Variants in DSCAM observed in about 807,000 individuals in gnomAD.
DSCAM encodes DS cell adhesion molecule.
Under a neutral mutation model 217.7 loss-of-function variants are expected in DSCAM, and 47 were observed. The observed-to-expected ratio is 0.22, with a 90% CI of 0.17 to 0.28. The LOEUF (loss-of-function observed/expected upper bound fraction) is 0.28, where lower values mean the gene tolerates loss of function less well. Ranked by LOEUF, DSCAM falls within the 10% of genes least tolerant of loss-of-function variation. The pLI, the probability that DSCAM is intolerant of heterozygous loss-of-function variation, is 1.00. For synonymous variants in DSCAM, 1,056 were observed against 1,015.3 expected (o/e 1.04, Z -0.76); for missense variants, 2,080 against 2,618.3 (o/e 0.79, Z 4.49).
chr21:40,237,003 A>G (rs919638461), intron 11 of DSCAM, among the ~76,000 whole-genome samples: 4 of 152,212 alleles, frequency 2.6e-5, no homozygotes, highest in African/African-American at 4.8e-5. Flanking sequence ...TCCCAGCGCT[A>G]GCTCTTCAAC....
At chr21:40,712,057 G>A (rs1005065196) in intron 1 of DSCAM, among the ~76,000 whole-genome samples, 1 of 152,140 alleles carries the variant, frequency 6.6e-6, no homozygotes, top group African/African-American at 2.4e-5. Context: ...CCCCAATAGA[G>A]CATGAGCAAT....
intron 3 of DSCAM, among the ~76,000 whole-genome samples, chr21:40,505,740 T>C (rs1313225210): frequency 1.3e-5 from 2 of 152,168 alleles, no homozygotes; most frequent in Admixed American, 6.5e-5. Context: ...TTGGGGAAGC[T>C]CGGCTCATCA....
chr21:40,832,177 A>C (rs1367317947), intron 1 of DSCAM, among the ~76,000 whole-genome samples: 5 of 152,248 alleles, frequency 3.3e-5, no homozygotes, highest in African/African-American at 1.2e-4. Context: ...TTGTGTGACC[A>C]TGAGCACATT....
chr21:40,739,808 G>T (rs1392576609), intron 1 of DSCAM, among the ~76,000 whole-genome samples: 2 of 149,722 alleles, frequency 1.3e-5, no homozygotes, highest in Non-Finnish European at 1.5e-5. Flanking sequence ...CCCCAGAAAA[G>T]AAATTATCTC....
chr21:40,404,697 C>T (rs941215604), intron 3 of DSCAM, among the ~76,000 whole-genome samples: 1 of 152,214 alleles, frequency 6.6e-6, no homozygotes, highest in Non-Finnish European at 1.5e-5. Flanking sequence ...ACACCAGGCT[C>T]CAGGCCAGGG....
intron 3 of DSCAM, among the ~76,000 whole-genome samples, chr21:40,381,173 G>A (rs1405711613): frequency 6.6e-6 from 1 of 152,118 alleles, no homozygotes; most frequent in Non-Finnish European, 1.5e-5. Context: ...AGGTCTTGGT[G>A]AAGAGCCCTG....
At chr21:40,590,375 AG>A (rs2146241629) in intron 3 of DSCAM, among the ~76,000 whole-genome samples, 1 of 152,322 alleles carries the variant, frequency 6.6e-6, no homozygotes, top group South Asian at 2.1e-4. Context: ...GAGCCCCTGC[AG>A]GGGTTCTGCC....
At chr21:40,648,335 C>T (rs1002524575) in intron 3 of DSCAM, among the ~76,000 whole-genome samples, 3 of 151,820 alleles carry the variant, frequency 2.0e-5, no homozygotes, top group Admixed American at 6.6e-5. Flanking sequence ...ACCCAACTGT[C>T]CTGACACTTC....
chr21:40,303,345 T>C (rs1284368679), intron 9 of DSCAM, among the ~76,000 whole-genome samples: 2 of 152,034 alleles, frequency 1.3e-5, no homozygotes, highest in East Asian at 1.9e-4. Flanking sequence ...TTCAGACTTG[T>C]TGGTCTCTCT....
At chr21:40,732,558 C>G (rs535426145) in intron 1 of DSCAM, among the ~76,000 whole-genome samples, 23 of 152,186 alleles carry the variant, frequency 1.5e-4, no homozygotes, top group Non-Finnish European at 2.5e-4. Flanking sequence ...ACAAGGTCCT[C>G]TAATTAATCA....
chr21:40,236,980 T>C (rs2073088627), intron 11 of DSCAM, among the ~76,000 whole-genome samples: 1 of 152,204 alleles, frequency 6.6e-6, no homozygotes, highest in African/African-American at 2.4e-5. Flanking sequence ...AGGTGTCTAG[T>C]GCCCATCACA....
intron 1 of DSCAM, among the ~76,000 whole-genome samples, chr21:40,749,476 T>C (rs1047956667): frequency 5.9e-5 from 9 of 152,162 alleles, no homozygotes; most frequent in Non-Finnish European, 8.8e-5. Flanking sequence ...GAAAAAATGC[T>C]CAACATCACT....
chr21:40,256,785 T>C (rs552000069), intron 11 of DSCAM, among the ~76,000 whole-genome samples: 3 of 152,298 alleles, frequency 2.0e-5, no homozygotes, highest in African/African-American at 7.2e-5. Context: ...CTGAGTACCA[T>C]GCCTAGCAAA....
At chr21:40,474,856 C>T (rs935283954) in intron 3 of DSCAM, among the ~76,000 whole-genome samples, 3 of 152,142 alleles carry the variant, frequency 2.0e-5, no homozygotes, top group Non-Finnish European at 2.9e-5. Flanking sequence ...AGGGTTCCCA[C>T]GACGAGAACT....
At chr21:40,715,030 T>C (rs2090826582) in intron 1 of DSCAM, among the ~76,000 whole-genome samples, 1 of 152,184 alleles carries the variant, frequency 6.6e-6, no homozygotes. Flanking sequence ...CTGTCTTCCA[T>C]CCTTCCACCT....
intron 3 of DSCAM, among the ~76,000 whole-genome samples, chr21:40,541,847 A>T (rs2076545217): frequency 6.6e-6 from 1 of 152,218 alleles, no homozygotes; most frequent in Admixed American, 6.5e-5. Context: ...AGTAGAAGAC[A>T]AGTATTTGGA....
At chr21:40,329,105 G>A (rs982782944) in intron 8 of DSCAM, among the ~76,000 whole-genome samples, 1 of 152,178 alleles carries the variant, frequency 6.6e-6, no homozygotes, top group African/African-American at 2.4e-5. Flanking sequence ...ATAGTATGGA[G>A]GTTCCTCAAA....
chr21:40,232,710 G>T (rs899133125), intron 11 of DSCAM, among the ~76,000 whole-genome samples: 1 of 152,010 alleles, frequency 6.6e-6, no homozygotes, highest in Non-Finnish European at 1.5e-5. Context: ...ATTTTTATGA[G>T]ATATAGCATA....
chr21:40,155,889 A>C (rs1205278719), intron 16 of DSCAM, among the ~76,000 whole-genome samples: 1 of 151,726 alleles, frequency 6.6e-6, no homozygotes, highest in Non-Finnish European at 1.5e-5. Flanking sequence ...CCTTGGAACG[A>C]AACAGGCCCT....
Sources: allele counts gnomAD v4.1 joint callset (sites outside exome capture counted in the v4.1 genomes callset), GRCh38; gene constraint gnomAD v4.1.1; transcripts MANE v1.5; gene names NCBI Gene and HGNC (gene_info 2026-07-23, HGNC 2026-07-21).